The following KLHL7 variants were observed in gnomAD, a reference collection of about 807,000 sequenced individuals.
KLHL7 encodes the protein kelch-like protein 7.
Under a neutral mutation model 67.4 loss-of-function variants are expected in KLHL7, and 44 were observed. The ratio of observed to expected loss-of-function variants is 0.65; its 90% confidence interval spans 0.51 to 0.84. The LOEUF is 0.84. Among genes scored for constraint, KLHL7 ranks in the 40% least tolerant of loss-of-function variants. KLHL7 has a pLI of 0.00. For missense variants in KLHL7, 362 were observed against 718.1 expected (o/e 0.50, Z 5.67); for synonymous variants, 252 against 243.3 (o/e 1.04, Z -0.33).
At position 23,106,951 on chromosome 7, in the gene KLHL7, T is replaced by A. The variant is rs545506224; in HGVS notation, c.120+805T>A. On this transcript the variant is annotated intron_variant, in intron 1 of 10. Transcript: ENST00000339077. The stretch of plus-strand genomic sequence containing the variant: ...TAGATAATACACATCTAAGTAGATT[T>A]GTGGGAATGTTTGGGTTTTGTTGAC... Among the ~76,000 whole-genome samples the A allele has an allele frequency of 1.8e-4, 27 of 152,260 alleles. No individual in the cohort carries two copies. The South Asian group carries it at 5.6e-3, about 32-fold the overall frequency.
chr7:23,131,668 A>G (rs984930594), intron 4 of KLHL7, among the ~76,000 whole-genome samples: 1 of 152,010 alleles, frequency 6.6e-6, no homozygotes, highest in African/African-American at 2.4e-5. Flanking sequence ...GTTATTTTAA[A>G]GTGTACAATT....
At chr7:23,165,284 TG>T (rs1784970517) in intron 7 of KLHL7, among the ~76,000 whole-genome samples, 1 of 152,240 alleles carries the variant, frequency 6.6e-6, no homozygotes, top group Non-Finnish European at 1.5e-5. Flanking sequence ...TATTATCCAT[TG>T]ATTACTTATA....
intron 3 of KLHL7, 23 bp downstream of exon 3, chr7:23,124,804 T>C: frequency 4.2e-6 from 6 of 1,422,256 alleles, no homozygotes; most frequent in Non-Finnish European, 6.0e-6. Context: ...TTATTTTTAT[T>C]TTAGAGAAGT....
intron 4 of KLHL7, among the ~76,000 whole-genome samples, chr7:23,133,425 A>C (rs1562566193): frequency 6.6e-6 from 1 of 151,150 alleles, no homozygotes; most frequent in Middle Eastern, 3.4e-3. Context: ...ATTTTATTTT[A>C]TTTATTTTAT....
At chr7:23,158,078 C>T (rs1398313036) in intron 7 of KLHL7, among the ~76,000 whole-genome samples, 1 of 152,154 alleles carries the variant, frequency 6.6e-6, no homozygotes, top group Non-Finnish European at 1.5e-5. Context: ...TGATCCCCCA[C>T]CTCAGCCTCT....
chr7:23,106,036 T>A lies in KLHL7; in HGVS notation c.10T>A (p.Ser4Thr), dbSNP rs755687208. The A allele has an allele frequency of 6.2e-7, 1 of 1,610,190 alleles. No homozygotes were observed. Among genetic ancestry groups the A allele is most frequent in the Admixed American group, 1.7e-5 (1 of 59,488 alleles). ...ACCGAGCTGAGGGAGGATGGCAGCC[T>A]CTGGGGTGGAGAAGAGCAGCAAGAA... MAA[S>T]GVEKSSKKKT... The change falls in exon 1 of 11, where the codon TCT becomes ACT. Residue 4 changes from serine to threonine, a missense_variant. By Grantham distance (58) the Ser-to-Thr change is moderately conservative. Coordinates refer to ENST00000339077, the MANE Select transcript of KLHL7 (RefSeq NM_001031710.3).
chr7:23,144,112 T>A (rs1784278854), intron 6 of KLHL7, 87 bp downstream of exon 6: 3 of 1,114,776 alleles, frequency 2.7e-6, no homozygotes, highest in Non-Finnish European at 4.0e-6. Flanking sequence ...TTAGACTCAG[T>A]AGCCAGGGAG....
intron 6 of KLHL7, among the ~76,000 whole-genome samples, chr7:23,149,160 G>A (rs1376542736): frequency 6.6e-6 from 1 of 152,140 alleles, no homozygotes; most frequent in Non-Finnish European, 1.5e-5. Context: ...ACCACAAAGG[G>A]CCAGGCCAAC....
intron 9 of KLHL7, chr7:23,172,078 C>A: frequency 2.3e-6 from 1 of 439,222 alleles, no homozygotes; most frequent in Non-Finnish European, 4.5e-6. Flanking sequence ...GCCAAGTTTC[C>A]CTTTTGTTGT....
chr7:23,128,422 TAAAAAAAAAAAAAAAAAA>T (rs201757686), intron 4 of KLHL7, among the ~76,000 whole-genome samples: 17 of 116,866 alleles, frequency 1.5e-4, no homozygotes, highest in Non-Finnish European at 2.1e-4. Flanking sequence ...TCTTTGGGTT[TAAAAAAAAAAAAAAAAAA>T]AAAAAAAAAA....
chr7:23,156,355 C>G (rs1784706735), intron 7 of KLHL7, among the ~76,000 whole-genome samples: 1 of 152,126 alleles, frequency 6.6e-6, no homozygotes, highest in Non-Finnish European at 1.5e-5. Context: ...TATTGAGCTG[C>G]CTCTTCCCAT....
chr7:23,168,135 T>C, intron 9 of KLHL7, 98 bp downstream of exon 9: 1 of 1,165,332 alleles, frequency 8.6e-7, no homozygotes, highest in Non-Finnish European at 1.3e-6. Context: ...AAGAATTTTG[T>C]CCTTGAGTGA....
At chr7:23,120,273 GTGTT>G (rs765950405) in intron 1 of KLHL7, among the ~76,000 whole-genome samples, 3 of 152,174 alleles carry the variant, frequency 2.0e-5, no homozygotes, top group Non-Finnish European at 4.4e-5. Flanking sequence ...GCCTTCCAAA[GTGTT>G]TGGGATTACA....
chr7:23,154,746 A>T (rs1784646518), intron 7 of KLHL7, among the ~76,000 whole-genome samples: 1 of 152,202 alleles, frequency 6.6e-6, no homozygotes, highest in Non-Finnish European at 1.5e-5. Context: ...AAGGAATTCA[A>T]TCTAATGATC....
At chr7:23,161,677 G>T (rs1427120082) in intron 7 of KLHL7, among the ~76,000 whole-genome samples, 1 of 152,192 alleles carries the variant, frequency 6.6e-6, no homozygotes, top group Non-Finnish European at 1.5e-5. Context: ...GAGCCATAAT[G>T]ATAAGATGCC....
intron 4 of KLHL7, among the ~76,000 whole-genome samples, chr7:23,134,955 A>G (rs951300831): frequency 2.6e-5 from 4 of 151,060 alleles, no homozygotes; most frequent in African/African-American, 9.7e-5. Flanking sequence ...TTTTTCTCTG[A>G]TCTTTATTTC....
rs1341520275 is a variant in KLHL7 at position 23,177,751 on chromosome 7, T to C, written c.*3453T>C. On this transcript the variant is annotated 3_prime_UTR_variant, in exon 11 of 11. Transcript: ENST00000339077. Reference sequence around the variant, plus strand: ...TTTAGCATCTTAAAAAAATTGTTGCTATTTGAAAAAAACAAAACAAAACAT... The same window carrying C: ...TTTAGCATCTTAAAAAAATTGTTGCCATTTGAAAAAAACAAAACAAAACAT... 1.3e-5 allele frequency: 2 copies of C among 152,184 alleles called. No individual in the cohort carries two copies. Among genetic ancestry groups the C allele is most frequent in the Non-Finnish European group, 2.9e-5 (2 of 68,020 alleles). 9.4% of individuals were successfully genotyped at this position (152,184 alleles called of 1,614,324 possible).
At chr7:23,148,537 G>A (rs940839829) in intron 6 of KLHL7, among the ~76,000 whole-genome samples, 3 of 152,046 alleles carry the variant, frequency 2.0e-5, no homozygotes, top group African/African-American at 7.2e-5. Context: ...AGAAAATCAG[G>A]ACCAAGAAGA....
intron 5 of KLHL7, among the ~76,000 whole-genome samples, chr7:23,142,255 A>G (rs1019874920): frequency 1.3e-5 from 2 of 152,192 alleles, no homozygotes; most frequent in African/African-American, 4.8e-5. Flanking sequence ...ATCCTTCTCT[A>G]TATTTTAAGC....
Sources: allele counts gnomAD v4.1 joint callset (sites outside exome capture counted in the v4.1 genomes callset), GRCh38; gene constraint gnomAD v4.1.1; transcripts MANE v1.5; gene names NCBI Gene and HGNC (gene_info 2026-07-23, HGNC 2026-07-21).